DST: variants seen among roughly 807,000 people sequenced by gnomAD.
DST encodes dystonin.
Under a neutral mutation model 875.2 loss-of-function variants are expected in DST, and 253 were observed. That is an observed-to-expected ratio of 0.29 (90% CI 0.26 to 0.32). The LOEUF (loss-of-function observed/expected upper bound fraction) is 0.32, where lower values mean the gene tolerates loss of function less well. Ranked by LOEUF, DST falls within the 10% of genes least tolerant of loss-of-function variation. The pLI, the probability that DST is intolerant of heterozygous loss-of-function variation, is 1.00. For missense variants in DST, 8,287 were observed against 9,111.6 expected (o/e 0.91, Z 3.68); for synonymous variants, 3,124 against 3,197.1 (o/e 0.98, Z 0.77).
At chr6:56,564,953 T>C (rs759375804) in intron 55 of DST, among the ~76,000 whole-genome samples, 21 of 152,150 alleles carry the variant, frequency 1.4e-4, no homozygotes, top group Non-Finnish European at 2.4e-4. Flanking sequence ...GATGTGCTGC[T>C]GGATTCAGTT....
chr6:56,810,339 C>T (rs1339880609), intron 4 of DST, among the ~76,000 whole-genome samples: 2 of 152,098 alleles, frequency 1.3e-5, no homozygotes, highest in Non-Finnish European at 2.9e-5. Flanking sequence ...TATCTACACA[C>T]AACATGATAC....
intron 36 of DST, chr6:56,619,627 A>T: frequency 6.2e-7 from 1 of 1,613,832 alleles, no homozygotes; most frequent in Non-Finnish European, 8.5e-7. Context: ...ATTCTAACTG[A>T]TAATTGCGCT....
At chr6:56,584,734 C>A (rs1176423918) in intron 49 of DST, among the ~76,000 whole-genome samples, 14 of 152,054 alleles carry the variant, frequency 9.2e-5, no homozygotes, top group Admixed American at 9.2e-4. Context: ...GTGGGTCTGT[C>A]ATAGATAGCT....
chr6:56,908,010 A>C (rs1190212161), intron 2 of DST, among the ~76,000 whole-genome samples: 1 of 152,150 alleles, frequency 6.6e-6, no homozygotes, highest in Non-Finnish European at 1.5e-5. Context: ...CGGAGGTTGC[A>C]GTGAGCCAAG....
chr6:56,507,841 C>T (rs1265698527), intron 75 of DST, among the ~76,000 whole-genome samples: 2 of 151,926 alleles, frequency 1.3e-5, no homozygotes, highest in Non-Finnish European at 2.9e-5. Context: ...ATGCCTCTGA[C>T]GGGGTTTAGG....
chr6:56,619,400 A>G, intron 36 of DST: 1 of 1,613,324 alleles, frequency 6.2e-7, no homozygotes, highest in Admixed American at 1.7e-5. Flanking sequence ...TTCAGCTTTG[A>G]TATTTTGAAG....
At chr6:56,492,865 A>G (rs1041305277) in intron 84 of DST, 69 bp downstream of exon 84, 6 of 1,231,470 alleles carry the variant, frequency 4.9e-6, no homozygotes, top group Non-Finnish European at 6.5e-6. Flanking sequence ...AGTGAGACTC[A>G]GTCTCAAAAA....
intron 72 of DST, among the ~76,000 whole-genome samples, chr6:56,513,057 C>G (rs2096512329): frequency 6.6e-6 from 1 of 152,160 alleles, no homozygotes; most frequent in Non-Finnish European, 1.5e-5. Flanking sequence ...GTTCTCCTGT[C>G]AATGTTCTTT....
At chr6:56,512,659 C>A (rs1204943065) in intron 72 of DST, among the ~76,000 whole-genome samples, 1 of 152,136 alleles carries the variant, frequency 6.6e-6, no homozygotes, top group Admixed American at 6.5e-5. Flanking sequence ...ACCAGGATGG[C>A]CACATACCTA....
chr6:56,614,273 A>C, intron 37 of DST, 83 bp downstream of exon 37: 1 of 1,270,030 alleles, frequency 7.9e-7, no homozygotes, highest in Non-Finnish European at 1.1e-6. Flanking sequence ...GTAAAAATTA[A>C]ACATTGTGCT....
chr6:56,782,665 A>C (rs986470004), intron 4 of DST, among the ~76,000 whole-genome samples: 2 of 152,052 alleles, frequency 1.3e-5, no homozygotes, highest in African/African-American at 4.8e-5. Flanking sequence ...TGATCCTTTC[A>C]AAAAACCAGC....
At chr6:56,800,721 A>T (rs1490873625) in intron 4 of DST, among the ~76,000 whole-genome samples, 1 of 152,122 alleles carries the variant, frequency 6.6e-6, no homozygotes, top group African/African-American at 2.4e-5. Flanking sequence ...CAAAAAAAAT[A>T]AAAACTCCTA....
At chr6:56,520,307 G>T (rs1374519603) in intron 69 of DST, among the ~76,000 whole-genome samples, 1 of 152,118 alleles carries the variant, frequency 6.6e-6, no homozygotes, top group Non-Finnish European at 1.5e-5. Context: ...AGAAGGAGAA[G>T]AGAAAGAGAT....
Position 56,557,536 on chromosome 6 carries a change from A to G in DST, c.14441-18T>C, listed in dbSNP as rs149890888. ...CTTAGAATCTAAAAGAAAAAAAATG[A>G]AACTGGTGTTTGACATTTTTTGCAT... On this transcript the variant is annotated intron_variant, in intron 58 of 103. Coordinates refer to ENST00000680361, the MANE Select transcript of DST (RefSeq NM_001374736.1). 5 of 1,583,688 alleles carry G rather than the reference A, an allele frequency of 3.2e-6. No individual in the cohort carries two copies. The African/African-American group carries it at 5.4e-5, about 17-fold the overall frequency.
chr6:56,827,613 G>A (rs764696761), intron 4 of DST, among the ~76,000 whole-genome samples: 1 of 150,962 alleles, frequency 6.6e-6, no homozygotes, highest in Non-Finnish European at 1.5e-5. Flanking sequence ...AATATAGAAC[G>A]GTGGAGCTAT....
chr6:56,765,996 T>C (rs2152970474), intron 4 of DST, among the ~76,000 whole-genome samples: 3 of 152,312 alleles, frequency 2.0e-5, no homozygotes. Context: ...GCAAAAGGAT[T>C]TGTCCTACTT....
At chr6:56,922,070 A>G (rs1804577356) in intron 2 of DST, among the ~76,000 whole-genome samples, 1 of 152,182 alleles carries the variant, frequency 6.6e-6, no homozygotes, top group African/African-American at 2.4e-5. Context: ...ATTAAAATAT[A>G]TAAGTTCCTA....
At chr6:56,624,509 G>A in intron 36 of DST, 21 bp downstream of exon 36, 3 of 1,493,762 alleles carry the variant, frequency 2.0e-6, no homozygotes, top group Non-Finnish European at 2.8e-6. Context: ...TATTTACAGG[G>A]TGCTCACTGT....
rs757401983 is a variant in DST, at chr6:56,526,408, T to C, written c.18082A>G (p.Thr6028Ala). ...GCATCGATCTCCTCCACCTTCTGAGTGATGGTGTCGCTCACTAATCGGTAG... is the reference window on the plus strand; with the variant it reads ...GCATCGATCTCCTCCACCTTCTGAGCGATGGTGTCGCTCACTAATCGGTAG... Reference protein sequence around the residue: ...ERYRLVSDTITQKVEEIDAAI... With the variant: ...ERYRLVSDTIAQKVEEIDAAI... Residue 6028 changes from threonine to alanine, a missense_variant, in exon 69 of 104, where the codon ACT (threonine) becomes GCT (alanine). This residue lies in a region of DST where 777 missense variants were observed against 764.8 expected (regional missense o/e 1.02). Coordinates refer to ENST00000680361, the MANE Select transcript of DST (RefSeq NM_001374736.1). The C allele has an allele frequency of 1.8e-5, 29 of 1,613,664 alleles. No individual in the cohort carries two copies. The Admixed American group carries it at 3.7e-4, about 20-fold the overall frequency.
Sources: allele counts gnomAD v4.1 joint callset (sites outside exome capture counted in the v4.1 genomes callset), GRCh38; gene constraint gnomAD v4.1.1; regional missense constraint gnomAD v4.1.1; transcripts MANE v1.5; gene names NCBI Gene and HGNC (gene_info 2026-07-23, HGNC 2026-07-21).